DLG2: variants seen among roughly 807,000 people sequenced by gnomAD.
DLG2 encodes disks large homolog 2.
Under a neutral mutation model 132.5 loss-of-function variants are expected in DLG2, and 45 were observed. That is an observed-to-expected ratio of 0.34 (90% CI 0.27 to 0.44). The LOEUF (loss-of-function observed/expected upper bound fraction) is 0.44, where lower values mean the gene tolerates loss of function less well. Ranked by LOEUF, DLG2 falls within the 20% of genes least tolerant of loss-of-function variation. DLG2 has a pLI of 1.00. For missense variants in DLG2, 1,045 were observed against 1,196.9 expected (o/e 0.87, Z 1.87); for synonymous variants, 424 against 419.6 (o/e 1.01, Z -0.13).
At chr11:83,839,741 T>C (rs2057130619) in intron 16 of DLG2, among the ~76,000 whole-genome samples, 2 of 152,232 alleles carry the variant, frequency 1.3e-5, no homozygotes, top group African/African-American at 2.4e-5. Flanking sequence ...TATTACAGAA[T>C]ATAGTTTCCA....
At chr11:85,528,242 G>T (rs770216791) in intron 3 of DLG2, among the ~76,000 whole-genome samples, 1 of 152,122 alleles carries the variant, frequency 6.6e-6, no homozygotes, top group Non-Finnish European at 1.5e-5. Flanking sequence ...TGGTGTGTTA[G>T]TCTTGAAGTC....
chr11:85,057,306 A>C (rs913880472), intron 6 of DLG2, among the ~76,000 whole-genome samples: 5 of 151,732 alleles, frequency 3.3e-5, no homozygotes, highest in African/African-American at 4.8e-5. Context: ...TCTATTATAA[A>C]TGATCAAGAA....
chr11:84,636,770 C>T (rs2099641107), intron 6 of DLG2, among the ~76,000 whole-genome samples: 1 of 138,766 alleles, frequency 7.2e-6, no homozygotes, highest in African/African-American at 2.7e-5. Context: ...GATCTCTGAT[C>T]TCAAGGGATG....
intron 7 of DLG2, among the ~76,000 whole-genome samples, chr11:84,529,370 G>C (rs1016530249): frequency 2.0e-5 from 3 of 152,098 alleles, no homozygotes; most frequent in African/African-American, 4.8e-5. Context: ...GCTTGCAGAT[G>C]ATATGATGCT....
intron 7 of DLG2, among the ~76,000 whole-genome samples, chr11:84,523,187 A>AT (rs978043802): frequency 3.3e-5 from 5 of 152,246 alleles, no homozygotes; most frequent in Admixed American, 2.0e-4. Flanking sequence ...CACACTTTCT[A>AT]TTTTTTTAAT....
At chr11:83,981,194 G>T (rs2092745902) in intron 11 of DLG2, among the ~76,000 whole-genome samples, 1 of 152,102 alleles carries the variant, frequency 6.6e-6, no homozygotes, top group African/African-American at 2.4e-5. Context: ...TTATATACAT[G>T]TAATAATTTC....
chr11:83,737,318 C>T (rs971121566), intron 18 of DLG2, among the ~76,000 whole-genome samples: 4 of 152,098 alleles, frequency 2.6e-5, no homozygotes, highest in African/African-American at 9.7e-5. Context: ...TGAAAACAAA[C>T]ATTCTCATAA....
intron 6 of DLG2, among the ~76,000 whole-genome samples, chr11:85,063,121 C>T (rs1481004222): frequency 6.6e-6 from 1 of 151,852 alleles, no homozygotes; most frequent in African/African-American, 2.4e-5. Flanking sequence ...TCAAAGCGCT[C>T]ATTCTCGCAG....
At chr11:83,939,591 A>C (rs533484284) in intron 14 of DLG2, among the ~76,000 whole-genome samples, 2 of 152,176 alleles carry the variant, frequency 1.3e-5, no homozygotes, top group Non-Finnish European at 1.5e-5. Flanking sequence ...TTACAGAATA[A>C]ATACTCTACC....
intron 18 of DLG2, among the ~76,000 whole-genome samples, chr11:83,716,037 T>A (rs900681444): frequency 2.6e-5 from 4 of 152,162 alleles, no homozygotes; most frequent in African/African-American, 9.7e-5. Context: ...CTAAGCTCTG[T>A]GAGGATGGAG....
intron 7 of DLG2, chr11:84,272,058 TAG>T (rs1251441103): frequency 5.0e-5 from 8 of 161,542 alleles, no homozygotes; most frequent in African/African-American, 7.2e-5. Flanking sequence ...CAAAATGATT[TAG>T]AGAGTTTCCC....
intron 6 of DLG2, among the ~76,000 whole-genome samples, chr11:85,062,275 GA>G (rs2064233981): frequency 6.6e-6 from 1 of 151,626 alleles, no homozygotes; most frequent in African/African-American, 2.4e-5. Flanking sequence ...TGCAATAGTT[GA>G]AAAAATGTAG....
chr11:84,933,725 T>C lies in DLG2; in HGVS notation c.357+177936A>G, dbSNP rs983003130. ...CACATTCATGTTATATCCTGAGACT[T>C]TGCTGAAGTTGTTTATCCACTCACA... On this transcript the variant is annotated intron_variant, in intron 6 of 27. Transcript: ENST00000376104. Among the ~76,000 whole-genome samples the C allele has an allele frequency of 4.6e-5, 7 of 152,198 alleles. No homozygotes were observed. The East Asian group carries it at 5.8e-4, about 13-fold the overall frequency.
chr11:85,528,016 C>T (rs1216335930), intron 3 of DLG2, among the ~76,000 whole-genome samples: 1 of 152,130 alleles, frequency 6.6e-6, no homozygotes, highest in Non-Finnish European at 1.5e-5. Context: ...CCTTTGCCCA[C>T]TTTTTGATGG....
intron 7 of DLG2, among the ~76,000 whole-genome samples, chr11:84,442,671 G>A (rs113448509): frequency 0.019 from 2,852 of 151,134 alleles, 79 homozygotes; most frequent in African/African-American, 0.059. Context: ...TGCACATTCT[G>A]CACATGTATC....
At chr11:85,016,558 C>T (rs1241907520) in intron 6 of DLG2, among the ~76,000 whole-genome samples, 1 of 152,098 alleles carries the variant, frequency 6.6e-6, no homozygotes, top group East Asian at 1.9e-4. Context: ...CAGATAAATA[C>T]TGCATCTGGT....
chr11:85,518,212 A>G (rs1462827734), intron 3 of DLG2, among the ~76,000 whole-genome samples: 1 of 152,196 alleles, frequency 6.6e-6, no homozygotes, highest in Non-Finnish European at 1.5e-5. Flanking sequence ...CAAAGTTGGA[A>G]AAGTTTGGAG....
intron 14 of DLG2, among the ~76,000 whole-genome samples, chr11:83,956,226 T>A (rs111770652): frequency 6.6e-6 from 1 of 152,144 alleles, no homozygotes; most frequent in East Asian, 1.9e-4. Flanking sequence ...TCATTCTTCA[T>A]GGATGCTGGA....
rs186027174 is a variant in DLG2, at chr11:85,376,873, G to A, written c.41-91508C>T. Among the ~76,000 whole-genome samples, 379 of 152,250 alleles carry A rather than the reference G, an allele frequency of 2.5e-3. 4 individuals are homozygous for A. The highest frequency in any genetic ancestry group is 8.7e-3 in the African/African-American group (361 of 41,550). ...GAGGATAGAAAAGGAGAGGACAACA[G>A]GATTAAGCTGTACTGGATATAAGGT... On this transcript the variant is annotated intron_variant, in intron 3 of 27. Transcript: ENST00000376104.
Sources: gnomAD v4.1 joint callset for allele counts (sites outside exome capture counted in the v4.1 genomes callset) on GRCh38, gnomAD v4.1.1 for gene constraint, MANE v1.5 for transcripts, NCBI Gene and HGNC (gene_info 2026-07-23, HGNC 2026-07-21) for gene names.